Variants in TAFA1 observed in about 807,000 individuals in gnomAD.
TAFA1 encodes the protein TAFA chemokine like family member 1.
In TAFA1, 4 loss-of-function variants were observed where a neutral mutation model predicts 18.5. That is an observed-to-expected ratio of 0.22 (90% CI 0.11 to 0.49). The LOEUF (loss-of-function observed/expected upper bound fraction) is 0.49, where lower values mean the gene tolerates loss of function less well. Among genes scored for constraint, TAFA1 ranks in the 20% least tolerant of loss-of-function variants. The pLI is 0.98. For synonymous variants in TAFA1, 56 were observed against 55.2 expected (o/e 1.01, Z -0.06); for missense variants, 147 against 169.0 (o/e 0.87, Z 0.72).
intron 3 of TAFA1, among the ~76,000 whole-genome samples, chr3:68,525,912 G>T (rs2073105916): frequency 6.6e-6 from 1 of 152,034 alleles, no homozygotes; most frequent in African/African-American, 2.4e-5. Flanking sequence ...GGCAAATAGT[G>T]CTGAGAACCA....
At chr3:68,066,211 A>T (rs965418103) in intron 2 of TAFA1, among the ~76,000 whole-genome samples, 1 of 152,182 alleles carries the variant, frequency 6.6e-6, no homozygotes, top group Admixed American at 6.6e-5. Context: ...ATAAAGCCGT[A>T]TGTGTCATAT....
intron 3 of TAFA1, among the ~76,000 whole-genome samples, chr3:68,493,285 C>A (rs1170806591): frequency 6.6e-6 from 1 of 152,114 alleles, no homozygotes; most frequent in Non-Finnish European, 1.5e-5. Flanking sequence ...AGCATAAAGT[C>A]CTCAAGGTAT....
At chr3:68,477,695 C>A (rs1044504957) in intron 3 of TAFA1, among the ~76,000 whole-genome samples, 2 of 152,058 alleles carry the variant, frequency 1.3e-5, no homozygotes, top group African/African-American at 4.8e-5. Context: ...CTTTATGTAT[C>A]TTTTGGCAAA....
At position 68,014,997 on chromosome 3, in the gene TAFA1, C is replaced by T. The variant is rs147395931; in HGVS notation, c.118+8253C>T. Among the ~76,000 whole-genome samples, 3 of 152,122 alleles carry T rather than the reference C, an allele frequency of 2.0e-5. No individual in the cohort carries two copies. The East Asian group carries it at 5.8e-4, about 29-fold the overall frequency. ...CTCCAACTCTAACATTTTATGATTT[C>T]TAATGATTTTATCAAATATCTTTAT... is the stretch of plus-strand genomic sequence containing the variant. On this transcript the variant is annotated intron_variant, in intron 2 of 4. Transcript: ENST00000478136.
chr3:68,116,903 A>G (rs1026119614), intron 2 of TAFA1, among the ~76,000 whole-genome samples: 1 of 152,304 alleles, frequency 6.6e-6, no homozygotes, highest in South Asian at 2.1e-4. Context: ...TCATGCCACC[A>G]TGCAAGTTGA....
At chr3:68,317,584 T>A (rs772455965) in intron 2 of TAFA1, among the ~76,000 whole-genome samples, 1 of 152,166 alleles carries the variant, frequency 6.6e-6, no homozygotes, top group Non-Finnish European at 1.5e-5. Context: ...GGCTAAAGTG[T>A]GCTCTGTTTT....
At chr3:68,339,965 G>A (rs912370286) in intron 2 of TAFA1, among the ~76,000 whole-genome samples, 1 of 152,146 alleles carries the variant, frequency 6.6e-6, no homozygotes, top group African/African-American at 2.4e-5. Context: ...CTTCTGATAC[G>A]AATACTATTT....
intron 2 of TAFA1, among the ~76,000 whole-genome samples, chr3:68,285,445 AACAT>A (rs1219072212): frequency 1.3e-5 from 2 of 151,428 alleles, no homozygotes; most frequent in African/African-American, 4.9e-5. Context: ...AATTTCAAAA[AACAT>A]ATATATATAG....
rs556497231 is a variant in TAFA1, at chr3:68,245,323, A to G, written c.119-171957A>G. Among the ~76,000 whole-genome samples the G allele has an allele frequency of 2.6e-4, 40 of 152,256 alleles. 1 individual carries two copies. The highest frequency in any genetic ancestry group is 4.4e-4 in the Non-Finnish European group (30 of 68,002). ...CAGAACTTCTTCCAAAGCTGTGTTG[A>G]TTTTTAGCAGAGGCCATGTAGCTAA... On this transcript the variant is annotated intron_variant, in intron 2 of 4. Transcript: ENST00000478136.
At chr3:68,529,230 C>T (rs114970923) in intron 3 of TAFA1, among the ~76,000 whole-genome samples, 12 of 151,924 alleles carry the variant, frequency 7.9e-5, no homozygotes, top group East Asian at 5.9e-4. Context: ...TTATTCCTAA[C>T]GTTGCCCTCC....
chr3:68,362,431 A>T (rs75978884), intron 2 of TAFA1, among the ~76,000 whole-genome samples: 2,558 of 152,252 alleles, frequency 0.017, 31 homozygotes, highest in Non-Finnish European at 0.024. Flanking sequence ...GGTATCTTAG[A>T]TTCAGGAAAC....
At chr3:68,442,983 C>G (rs1233318200) in intron 3 of TAFA1, among the ~76,000 whole-genome samples, 1 of 152,120 alleles carries the variant, frequency 6.6e-6, no homozygotes, top group African/African-American at 2.4e-5. Flanking sequence ...AGGGGTAGCT[C>G]TCCTCCATGT....
intron 2 of TAFA1, among the ~76,000 whole-genome samples, chr3:68,345,571 A>G (rs1163269193): frequency 6.6e-6 from 1 of 152,224 alleles, no homozygotes; most frequent in Non-Finnish European, 1.5e-5. Flanking sequence ...TATGAACAGT[A>G]GAGTGACATT....
At chr3:68,311,487 G>A (rs2068515390) in intron 2 of TAFA1, among the ~76,000 whole-genome samples, 1 of 152,148 alleles carries the variant, frequency 6.6e-6, no homozygotes, top group Admixed American at 6.5e-5. Context: ...TACAGGCATT[G>A]GATAAATACA....
At chr3:68,116,573 C>G (rs1288640812) in intron 2 of TAFA1, among the ~76,000 whole-genome samples, 1 of 152,206 alleles carries the variant, frequency 6.6e-6, no homozygotes, top group Non-Finnish European at 1.5e-5. Flanking sequence ...GACCAGAGGT[C>G]TCACCTGGAG....
chr3:68,043,468 A>G (rs1486874961), intron 2 of TAFA1, among the ~76,000 whole-genome samples: 1 of 152,250 alleles, frequency 6.6e-6, no homozygotes, highest in Non-Finnish European at 1.5e-5. Flanking sequence ...AACTTGCTTA[A>G]TTAATTTCCT....
intron 2 of TAFA1, among the ~76,000 whole-genome samples, chr3:68,076,053 C>T (rs1374694704): frequency 6.6e-6 from 1 of 152,168 alleles, no homozygotes; most frequent in South Asian, 2.1e-4. Context: ...GGAAAAATCT[C>T]CATCAGCAGA....
intron 2 of TAFA1, among the ~76,000 whole-genome samples, chr3:68,140,313 G>C (rs1346009545): frequency 6.6e-6 from 1 of 152,200 alleles, no homozygotes; most frequent in East Asian, 1.9e-4. Flanking sequence ...TCCGAAGGAA[G>C]GAGCTTGGGC....
At chr3:68,318,693 T>C (rs982387442) in intron 2 of TAFA1, among the ~76,000 whole-genome samples, 3 of 152,262 alleles carry the variant, frequency 2.0e-5, no homozygotes, top group African/African-American at 7.2e-5. Flanking sequence ...AAATCTCTTA[T>C]ACTGTTTGAG....
Sources: gnomAD v4.1 joint callset for allele counts (sites outside exome capture counted in the v4.1 genomes callset) on GRCh38, gnomAD v4.1.1 for gene constraint, MANE v1.5 for transcripts, NCBI Gene and HGNC (gene_info 2026-07-23, HGNC 2026-07-21) for gene names.